ACOXL: variants seen among roughly 807,000 people sequenced by gnomAD.
ACOXL encodes the protein acyl-CoA oxidase like.
A neutral mutation model predicts 71.9 loss-of-function variants in ACOXL; 70 were observed. The ratio of observed to expected loss-of-function variants is 0.97; its 90% CI spans 0.80 to 1.19. The LOEUF (loss-of-function observed/expected upper bound fraction) is 1.19, where lower values mean the gene tolerates loss of function less well. Among genes scored for constraint, ACOXL ranks in the 50% most tolerant of loss-of-function variants. The pLI, the probability that ACOXL is intolerant of heterozygous loss-of-function variation, is 0.00. For missense variants in ACOXL, 703 were observed against 736.3 expected, an observed-to-expected ratio of 0.95 and a Z score of 0.52; for synonymous variants, 253 against 281.6, an observed-to-expected ratio of 0.90 and a Z score of 1.02.
chr2:111,049,957 C>T (rs2149832221), intron 16 of ACOXL, among the ~76,000 whole-genome samples: 1 of 152,286 alleles, frequency 6.6e-6, no homozygotes, highest in East Asian at 1.9e-4. Context: ...AAAACTTTGT[C>T]TTTGAAGCAG....
At chr2:111,007,233 T>C (rs2063920320) in intron 14 of ACOXL, among the ~76,000 whole-genome samples, 1 of 152,204 alleles carries the variant, frequency 6.6e-6, no homozygotes, top group African/African-American at 2.4e-5. Context: ...AAGATGCGAC[T>C]GATATTTGAA....
chr2:110,993,547 G>C (rs2063268289), intron 13 of ACOXL, among the ~76,000 whole-genome samples: 1 of 152,206 alleles, frequency 6.6e-6, no homozygotes, highest in African/African-American at 2.4e-5. Context: ...AGACACCTGG[G>C]ATGTTTGCTG....
chr2:111,020,994 A>G (rs2064730687), intron 14 of ACOXL, among the ~76,000 whole-genome samples: 1 of 152,154 alleles, frequency 6.6e-6, no homozygotes, highest in African/African-American at 2.4e-5. Flanking sequence ...TCACTTTGGC[A>G]TTGTGTTTTT....
intron 8 of ACOXL, among the ~76,000 whole-genome samples, chr2:110,802,005 G>A (rs1386422805): frequency 1.3e-5 from 2 of 152,126 alleles, no homozygotes; most frequent in African/African-American, 2.4e-5. Context: ...AGAGAGAGGT[G>A]TCAGATTTTT....
At chr2:110,914,272 G>A (rs961669573) in intron 11 of ACOXL, among the ~76,000 whole-genome samples, 11 of 152,130 alleles carry the variant, frequency 7.2e-5, no homozygotes. Flanking sequence ...TAGAGTCTTT[G>A]CAAGTCTGTT....
intron 15 of ACOXL, among the ~76,000 whole-genome samples, chr2:111,038,124 G>A (rs2065609922): frequency 6.6e-6 from 1 of 152,204 alleles, no homozygotes; most frequent in Non-Finnish European, 1.5e-5. Flanking sequence ...TAGGGACAGA[G>A]CAACTCTAAT....
chr2:111,029,112 G>A (rs1008889671), intron 14 of ACOXL, among the ~76,000 whole-genome samples: 1 of 152,222 alleles, frequency 6.6e-6, no homozygotes, highest in Non-Finnish European at 1.5e-5. Flanking sequence ...ATACAATTAA[G>A]TGCTTAAAAC....
intron 13 of ACOXL, among the ~76,000 whole-genome samples, chr2:110,987,919 G>C: frequency 6.6e-6 from 1 of 152,148 alleles, no homozygotes; most frequent in East Asian, 1.9e-4. Flanking sequence ...TGTTTTCTGG[G>C]GGATGTGCAC....
chr2:111,112,297 T>C (rs536213456), intron 17 of ACOXL, among the ~76,000 whole-genome samples: 1 of 152,296 alleles, frequency 6.6e-6, no homozygotes, highest in South Asian at 2.1e-4. Context: ...CGCACCAAGC[T>C]AAGGTCTGAC....
intron 3 of ACOXL, among the ~76,000 whole-genome samples, chr2:110,787,350 T>C (rs1388252476): frequency 1.3e-5 from 2 of 151,874 alleles, no homozygotes; most frequent in Non-Finnish European, 2.9e-5. Flanking sequence ...CTGGCTAACA[T>C]GGTTAAACCC....
intron 2 of ACOXL, among the ~76,000 whole-genome samples, chr2:110,773,954 G>A (rs1045578154): frequency 6.6e-6 from 1 of 152,316 alleles, no homozygotes; most frequent in Middle Eastern, 3.4e-3. Flanking sequence ...GGGCATGGCA[G>A]GGAGTGAGCT....
At chr2:110,744,489 G>C (rs1359074888) in intron 1 of ACOXL, among the ~76,000 whole-genome samples, 1 of 152,148 alleles carries the variant, frequency 6.6e-6, no homozygotes, top group Non-Finnish European at 1.5e-5. Context: ...ATGGTGAGCT[G>C]GTGGTAATTT....
At chr2:110,867,244 C>T (rs1266052938) in intron 10 of ACOXL, among the ~76,000 whole-genome samples, 1 of 152,158 alleles carries the variant, frequency 6.6e-6, no homozygotes, top group African/African-American at 2.4e-5. Context: ...GGGCTTCTGT[C>T]TCTAGCAGAT....
chr2:110,819,779 T>C (rs1688385833), intron 9 of ACOXL, among the ~76,000 whole-genome samples: 1 of 152,180 alleles, frequency 6.6e-6, no homozygotes, highest in Admixed American at 6.5e-5. Context: ...ACTGATATTC[T>C]CTAGAGAAGG....
chr2:110,811,527 A>C (rs1049320751), intron 9 of ACOXL, among the ~76,000 whole-genome samples: 4 of 152,094 alleles, frequency 2.6e-5, no homozygotes. Flanking sequence ...AAGCTGACCG[A>C]TGCTCATTCT....
chr2:111,108,489 C>G (rs888570303), intron 17 of ACOXL, among the ~76,000 whole-genome samples: 21 of 148,124 alleles, frequency 1.4e-4, no homozygotes, highest in African/African-American at 5.3e-4. Flanking sequence ...AGCGATTCTC[C>G]TGCCTCAGCC....
rs1022087315 is a variant in ACOXL at position 111,118,541 on chromosome 2, A to G, written c.*725A>G. Reference sequence around the variant, plus strand: ...AAAAGTTTAATAAAGAAATTAAGCGATGTGGAAGTCGTTCCCGCTGCTTGC... The same window carrying G: ...AAAAGTTTAATAAAGAAATTAAGCGGTGTGGAAGTCGTTCCCGCTGCTTGC... On this transcript the variant is annotated 3_prime_UTR_variant, in exon 18 of 18. Transcript: ENST00000439055. Among the ~76,000 whole-genome samples the G allele has an allele frequency of 2.3e-4, 35 of 152,214 alleles. No individual in the cohort carries two copies. Among genetic ancestry groups the G allele is most frequent in the Admixed American group, 2.0e-3 (31 of 15,282 alleles).
chr2:111,060,495 C>A lies in ACOXL; in HGVS notation c.1440+11207C>A, dbSNP rs151215338. ...CCAACCTTGGTGGTCACAGAGGTTGCAGTGTATCACCCTCCCCTGATGGTG... is the reference window on the plus strand; with the variant it reads ...CCAACCTTGGTGGTCACAGAGGTTGAAGTGTATCACCCTCCCCTGATGGTG... On this transcript the variant is annotated intron_variant, in intron 16 of 17. Transcript: ENST00000439055. 2.0e-5 allele frequency among the ~76,000 whole-genome samples: 3 copies of A among 152,266 alleles called. No individual in the cohort carries two copies. In the East Asian group the frequency reaches 5.8e-4, roughly 29 times the overall value.
intron 12 of ACOXL, among the ~76,000 whole-genome samples, chr2:110,941,628 A>T (rs867210984): frequency 6.6e-6 from 1 of 152,244 alleles, no homozygotes; most frequent in East Asian, 1.9e-4. Context: ...CAGATTTCTC[A>T]TTAGAAACAA....
Sources: allele counts gnomAD v4.1 joint callset (sites outside exome capture counted in the v4.1 genomes callset), GRCh38; gene constraint gnomAD v4.1.1; transcripts MANE v1.5; gene names NCBI Gene and HGNC (gene_info 2026-07-23, HGNC 2026-07-21).